The following UBN1 variants were observed in gnomAD, a reference collection of about 807,000 sequenced individuals.
UBN1 encodes the protein ubinuclein 1, also known as ubinuclein-1.
In UBN1, 17 loss-of-function variants were observed where a neutral mutation model predicts 108.5. The ratio of observed to expected loss-of-function variants is 0.16; its 90% CI spans 0.11 to 0.24. UBN1 has a LOEUF of 0.24. Ranked by LOEUF, UBN1 falls within the 10% of genes least tolerant of loss-of-function variation. UBN1 has a pLI of 1.00. For missense variants in UBN1, 1,595 were observed against 1,394.4 expected, an observed-to-expected ratio of 1.14 and a Z score of -2.29; for synonymous variants, 726 against 564.2, an observed-to-expected ratio of 1.29 and a Z score of -4.07.
rs1388961168 is a variant in UBN1, at chr16:4,857,988, A to G, written c.250-2A>G. On this transcript the variant is annotated splice_acceptor_variant, in intron 2 of 17. Transcript: ENST00000262376. LOFTEE classifies it high-confidence loss of function. ...ATTTTTTGTGGAACGATCTCTTTAC[A>G]GAAGAAAGATCTGTCAGATCCTTTC... 1.9e-6 allele frequency: 3 copies of G among 1,608,158 alleles called. No individual in the cohort carries two copies. Among genetic ancestry groups the G allele is most frequent in the Non-Finnish European group, 2.5e-6 (3 of 1,177,022 alleles).
At position 4,869,627 on chromosome 16, in the gene UBN1, C is replaced by T. The variant is rs556960256; in HGVS notation, c.1182-585C>T. Among the ~76,000 whole-genome samples the T allele has an allele frequency of 2.6e-4, 39 of 152,300 alleles. No homozygotes were observed. The South Asian group carries it at 4.1e-3, about 16-fold the overall frequency. On this transcript the variant is annotated intron_variant, in intron 8 of 17. Transcript: ENST00000262376. ...CTCGCCTGGCCGGGACCTGGATTGGCCCCTTGGGTCAGGAAGTGTGAGCTG... is the reference window on the plus strand; with the variant it reads ...CTCGCCTGGCCGGGACCTGGATTGGTCCCTTGGGTCAGGAAGTGTGAGCTG...
intron 2 of UBN1, among the ~76,000 whole-genome samples, chr16:4,855,777 G>A (rs573219014): frequency 1.1e-4 from 17 of 152,126 alleles, no homozygotes; most frequent in African/African-American, 4.1e-4. Context: ...AAATTAGCCG[G>A]GTGTGGTAGT....
Position 4,875,178 on chromosome 16 carries a change from C to T in UBN1, c.2768C>T (p.Thr923Ile). 1 of 1,614,270 alleles carries T rather than the reference C, an allele frequency of 6.2e-7. No homozygotes were observed. Among genetic ancestry groups the T allele is most frequent in the East Asian group, 2.2e-5 (1 of 44,888 alleles). Residue 923 changes from threonine to isoleucine, a missense_variant, in exon 15 of 18, where the codon ACA (threonine) becomes ATA (isoleucine). Physicochemically the swap from Thr to Ile is moderately conservative, Grantham distance 89. Transcript: ENST00000262376. ...TCTGGCAGCTCTTCCTCGGGAGGAA[C>T]ACCAGTCCAGAGTTCTGTTTCTGGG... Reference protein sequence around the residue: ...VSSGSSSSGGTPVQSSVSGSL... With the variant: ...VSSGSSSSGGIPVQSSVSGSL...
In UBN1 at chr16:4,849,954, A is replaced by AAAAAAAAC. The variant is rs60637904; in HGVS notation, c.-40+1751_-40+1752insCAAAAAAA. On this transcript the variant is annotated intron_variant, in intron 1 of 17. Transcript: ENST00000262376. Reference sequence around the variant, plus strand: ...GGAGTGAGGCAACTGTCTCACAAAAAAAAAAAAAAAAACCACAAAAAAAGC... The same window carrying AAAAAAAAC: ...GGAGTGAGGCAACTGTCTCACAAAAAAAAAAAACAAAAAAAAAAAACCACAAAAAAAGC... Among the ~76,000 whole-genome samples, 283 of 149,580 alleles carry AAAAAAAAC rather than the reference A, an allele frequency of 1.9e-3. 10 individuals carry two copies. The highest frequency in any genetic ancestry group is 6.4e-3 in the African/African-American group (257 of 40,328).
chr16:4,869,395 C>T, intron 8 of UBN1, among the ~76,000 whole-genome samples: 1 of 152,252 alleles, frequency 6.6e-6, no homozygotes. Flanking sequence ...GCCTCTGAGA[C>T]ACCACGCTGT....
Position 4,859,871 on chromosome 16 carries a change from A to G in UBN1, c.574A>G (p.Lys192Glu), listed in dbSNP as rs916467076. ...CCTTGTCTTTAATTCTCAGAAGCGG[A>G]AGTTGAAGGAAGGTGGTGAGAAGAT... ...EKKKKSPKKR[K>E]LKEGGEKIKK... The change falls in exon 6 of 18, where the codon AAG (lysine) becomes GAG (glutamate). Residue 192 changes from lysine to glutamate, a missense_variant. Transcript: ENST00000262376. 5.0e-6 allele frequency: 8 copies of G among 1,613,862 alleles called. No homozygotes were observed. The highest frequency in any genetic ancestry group is 6.8e-6 in the Non-Finnish European group (8 of 1,179,962).
intron 7 of UBN1, among the ~76,000 whole-genome samples, chr16:4,867,641 G>A (rs1450202294): frequency 6.6e-6 from 1 of 152,152 alleles, no homozygotes; most frequent in African/African-American, 2.4e-5. Flanking sequence ...GAAGTTATTG[G>A]GAGAAGTGGG....
intron 1 of UBN1, among the ~76,000 whole-genome samples, chr16:4,851,243 T>C (rs1350046372): frequency 6.6e-6 from 1 of 152,206 alleles, no homozygotes; most frequent in Non-Finnish European, 1.5e-5. Context: ...GGCTCACACC[T>C]GTAATCCCAG....
In UBN1 at chr16:4,848,840, C is replaced by T. The variant is rs114536984; in HGVS notation, c.-40+630C>T. Among the ~76,000 whole-genome samples the T allele has an allele frequency of 9.5e-3, 1,453 of 152,250 alleles. 28 individuals are homozygous for T. The highest frequency in any genetic ancestry group is 0.034 in the African/African-American group (1,409 of 41,538). On this transcript the variant is annotated intron_variant, in intron 1 of 17. Transcript: ENST00000262376. ...TCTTGGCCGGGCAGGGTGGTATAAG[C>T]CTGTAATCCCAGCATTTTGGGATGC...
intron 7 of UBN1, among the ~76,000 whole-genome samples, chr16:4,862,919 G>A (rs565616015): frequency 2.0e-5 from 3 of 152,356 alleles, no homozygotes; most frequent in African/African-American, 7.2e-5. Flanking sequence ...CATAGTCAAG[G>A]TGGGCCTGGG....
In UBN1 at chr16:4,877,717, A is replaced by G. The variant is rs1252510592; in HGVS notation, c.3355+243A>G. 10 of 1,221,262 alleles carry G rather than the reference A, an allele frequency of 8.2e-6. No individual in the cohort carries two copies. In the East Asian group the frequency reaches 3.0e-4, roughly 37 times the overall value. The allele number at this position is 1,221,262 out of a possible 1,614,324, so 75.7% of individuals were successfully genotyped here. On this transcript the variant is annotated intron_variant, in intron 17 of 17. Coordinates refer to ENST00000262376, the MANE Select transcript of UBN1 (RefSeq NM_001079514.3). This position sits in a 1 kb window ranked among gnomAD's most constrained non-coding sequence, Gnocchi z 4.3. ...GCCTCAGCCTGTGTGATCACAGGGA[A>G]AGTTGCGGGGGGCAGGGTGGTGCGC...
At chr16:4,872,341 C>T (rs1013108737) in intron 12 of UBN1, 8 of 985,170 alleles carry the variant, frequency 8.1e-6, no homozygotes, top group Non-Finnish European at 9.6e-6. Flanking sequence ...TGAGGCAGAG[C>T]CATACATTTT....
In UBN1 at chr16:4,859,339, G is replaced by A. The variant is rs147352223; in HGVS notation, c.567+180G>A. Among the ~76,000 whole-genome samples, 392 of 152,334 alleles carry A rather than the reference G, an allele frequency of 2.6e-3. 2 individuals carry two copies. The highest frequency in any genetic ancestry group is 4.3e-3 in the Non-Finnish European group (294 of 68,030). On this transcript the variant is annotated intron_variant, in intron 5 of 17. Coordinates refer to ENST00000262376, the MANE Select transcript of UBN1 (RefSeq NM_001079514.3). ...TGTGCCCTAATGAGGACACGTGCCC[G>A]TGGGGGCTCTGTTCAGCACTTGGTC...
rs1419929205 is a variant in UBN1 at position 4,882,077 on chromosome 16, C to CTTTA, written c.*1949_*1952dup. The CTTTA allele has an allele frequency of 1.3e-5, 2 of 152,372 alleles. No homozygotes were observed. The highest frequency in any genetic ancestry group is 4.8e-5 in the African/African-American group (2 of 41,346). 9.4% of individuals were successfully genotyped at this position (152,372 alleles called of 1,614,324 possible). ...TTGAGATTTCTTTTCCTTGTTTATG[C>CTTTA]TTTATTTGTGGTAATGAAAGAGCGA... On this transcript the variant is annotated 3_prime_UTR_variant, in exon 18 of 18. Transcript: ENST00000262376.
chr16:4,860,542 A>G (rs1004049275), intron 6 of UBN1, 122 bp from the exon 7 acceptor site: 2 of 1,010,206 alleles, frequency 2.0e-6, no homozygotes, highest in Non-Finnish European at 2.9e-6. Context: ...AGGAGGAATG[A>G]CAGGGTGGAC....
chr16:4,852,805 A>T, intron 1 of UBN1, 74 bp from the exon 2 acceptor site: 1 of 1,357,162 alleles, frequency 7.4e-7, no homozygotes, highest in South Asian at 1.5e-5. Context: ...TCTTAAACTT[A>T]AATCTCTTTA....
rs1483674095 is a variant in UBN1, at chr16:4,858,219, A to AC, written c.336+145dup. 3 of 698,768 alleles carry AC rather than the reference A, an allele frequency of 4.3e-6. No individual in the cohort carries two copies. The African/African-American group carries it at 5.4e-5, about 13-fold the overall frequency. 43.3% of individuals were successfully genotyped at this position (698,768 alleles called of 1,614,324 possible). A position where few individuals can be genotyped will look rare whatever the true frequency, so the allele number is the denominator to read the frequency against. On this transcript the variant is annotated intron_variant, in intron 3 of 17. Coordinates refer to ENST00000262376, the MANE Select transcript of UBN1 (RefSeq NM_001079514.3). ...TGGAGAGAAGAGAAGCAGTTATTAAACCTAACGCATTAAGGTACAGAAAAG... is the reference window on the plus strand; with the variant it reads ...TGGAGAGAAGAGAAGCAGTTATTAAACCCTAACGCATTAAGGTACAGAAAAG...
rs373120468 is a variant in UBN1 at position 4,859,759 on chromosome 16, G to C, written c.568-106G>C. ...GAGCTTTTGTTCATGAAGGAAATGA[G>C]ACAGGTCTCAGGATGTGCCCCGGGC... is the stretch of plus-strand genomic sequence containing the variant. On this transcript the variant is annotated intron_variant, in intron 5 of 17. Transcript: ENST00000262376. 4 of 1,521,316 alleles carry C rather than the reference G, an allele frequency of 2.6e-6. No individual in the cohort carries two copies. In the African/African-American group the frequency reaches 4.2e-5, roughly 16 times the overall value. The allele number at this position is 1,521,316 out of a possible 1,614,324, so 94.2% of individuals were successfully genotyped here.
rs532038196 is a variant in UBN1, at chr16:4,877,265, G to A, written c.3266-120G>A. On this transcript the variant is annotated intron_variant, in intron 16 of 17. Transcript: ENST00000262376. This position sits in a 1 kb window ranked among gnomAD's most constrained non-coding sequence, Gnocchi z 4.3. ...GTGCCAAGCCCCCACTGCCCCTTTG[G>A]GTGTGGTGCCCAGACTGGCCTGGCA... 1.3e-6 allele frequency: 2 copies of A among 1,515,456 alleles called. No individual in the cohort carries two copies. The highest frequency in any genetic ancestry group is 1.8e-6 in the Non-Finnish European group (2 of 1,128,870). 93.9% of individuals were successfully genotyped at this position (1,515,456 alleles called of 1,614,324 possible).
Sources: gnomAD v4.1 joint callset for allele counts (sites outside exome capture counted in the v4.1 genomes callset) on GRCh38, gnomAD v4.1.1 for gene constraint, Gnocchi (gnomAD v3.1) non-coding constraint, MANE v1.5 for transcripts, NCBI Gene and HGNC (gene_info 2026-07-23, HGNC 2026-07-21) for gene names.